Variants in TRIM71 observed in about 807,000 individuals in gnomAD.
The protein encoded by TRIM71 is E3 ubiquitin-protein ligase TRIM71.
Under a neutral mutation model 61.2 loss-of-function variants are expected in TRIM71, and 9 were observed. That is an observed-to-expected ratio of 0.15 (90% CI 0.09 to 0.26). TRIM71 has a LOEUF of 0.26. Among genes scored for constraint, TRIM71 ranks in the 10% least tolerant of loss-of-function variants. TRIM71 has a pLI of 1.00. For missense variants in TRIM71, 998 were observed against 1,238.7 expected, an observed-to-expected ratio of 0.81 and a Z score of 2.92; for synonymous variants, 645 against 553.2, an observed-to-expected ratio of 1.17 and a Z score of -2.33.
chr3:32,849,731 A>G (rs183463961), intron 1 of TRIM71, among the ~76,000 whole-genome samples: 1 of 151,874 alleles, frequency 6.6e-6, no homozygotes, highest in East Asian at 1.9e-4. Context: ...TTCCCCTTCC[A>G]CTTTTTTTGT....
At chr3:32,819,582 C>T (rs1696104971) in intron 1 of TRIM71, among the ~76,000 whole-genome samples, 1 of 152,302 alleles carries the variant, frequency 6.6e-6, no homozygotes, top group African/African-American at 2.4e-5. Flanking sequence ...CAGTCTTAAG[C>T]CCTTCTCTCT....
chr3:32,846,009 T>C (rs916488810), intron 1 of TRIM71, among the ~76,000 whole-genome samples: 3 of 151,324 alleles, frequency 2.0e-5, no homozygotes, highest in Non-Finnish European at 4.4e-5. Context: ...TTGGAGACTA[T>C]GGCTCACTAG....
intron 1 of TRIM71, among the ~76,000 whole-genome samples, chr3:32,825,678 G>T (rs780832741): frequency 6.6e-6 from 1 of 152,102 alleles, no homozygotes; most frequent in Non-Finnish European, 1.5e-5. Context: ...TGCTATCTCT[G>T]ACATTTTGGA....
chr3:32,874,679 C>T (rs1013744099), intron 2 of TRIM71, among the ~76,000 whole-genome samples: 8 of 151,240 alleles, frequency 5.3e-5, no homozygotes, highest in African/African-American at 9.7e-5. Flanking sequence ...CCCACCACCA[C>T]GCCCGGCTAA....
intron 1 of TRIM71, among the ~76,000 whole-genome samples, chr3:32,847,127 C>T (rs978838743): frequency 1.3e-5 from 2 of 151,328 alleles, no homozygotes; most frequent in East Asian, 1.9e-4. Flanking sequence ...CAGGTTCAAG[C>T]GATTCTCCTG....
intron 1 of TRIM71, among the ~76,000 whole-genome samples, chr3:32,819,620 A>G (rs569675009): frequency 7.2e-5 from 11 of 152,254 alleles, no homozygotes; most frequent in Admixed American, 6.5e-4. Context: ...ATTGTTTAAA[A>G]TGCGTGTTCT....
chr3:32,818,332 A>G lies in TRIM71; in HGVS notation c.252A>G (p.Gly84=), dbSNP rs746221245. ...CGGCGGCGGGCGGCGGCGCGGCGGG[A>G]GAGCCGCTCAAGCTGCGCTGCCCCG... The part of the protein sequence containing the change: ...RLPAAGGGAA[G]EPLKLRCPVC... The change falls in exon 1 of 4, where the codon GGA becomes GGG. Residue 84 remains glycine (G), a synonymous_variant. Coordinates refer to ENST00000383763, the MANE Select transcript of TRIM71 (RefSeq NM_001039111.3). 10 of 1,443,612 alleles carry G rather than the reference A, an allele frequency of 6.9e-6. No individual in the cohort carries two copies. In the South Asian group the frequency reaches 1.3e-4, roughly 19 times the overall value. 89.4% of individuals were successfully genotyped at this position (1,443,612 alleles called of 1,614,324 possible).
intron 1 of TRIM71, among the ~76,000 whole-genome samples, chr3:32,868,505 A>G (rs758813226): frequency 2.6e-5 from 4 of 152,232 alleles, no homozygotes; most frequent in South Asian, 2.1e-4. Flanking sequence ...ACATTCATAT[A>G]GCAACATACC....
chr3:32,853,818 C>A (rs191955648), intron 1 of TRIM71, among the ~76,000 whole-genome samples: 1 of 152,246 alleles, frequency 6.6e-6, no homozygotes, highest in Admixed American at 6.5e-5. Context: ...AGCAGTCTGA[C>A]CAACAGAGTG....
At chr3:32,823,898 C>G (rs1237863484) in intron 1 of TRIM71, among the ~76,000 whole-genome samples, 1 of 151,992 alleles carries the variant, frequency 6.6e-6, no homozygotes, top group Non-Finnish European at 1.5e-5. Context: ...ATGGTGAAAC[C>G]CTGTCTCTAC....
intron 2 of TRIM71, among the ~76,000 whole-genome samples, chr3:32,877,948 T>G (rs1696867836): frequency 1.3e-5 from 2 of 152,172 alleles, no homozygotes; most frequent in South Asian, 4.1e-4. Context: ...TTTTATAGTA[T>G]CTCCAGTTTT....
chr3:32,822,515 C>A (rs188870381), intron 1 of TRIM71, among the ~76,000 whole-genome samples: 1 of 152,252 alleles, frequency 6.6e-6, no homozygotes, highest in East Asian at 1.9e-4. Context: ...TAATCGGTTG[C>A]TGTGTGAATT....
At chr3:32,838,987 G>T (rs1696372468) in intron 1 of TRIM71, among the ~76,000 whole-genome samples, 18 of 151,102 alleles carry the variant, frequency 1.2e-4, no homozygotes, top group Admixed American at 1.2e-3. Flanking sequence ...TTTTAATAGA[G>T]TCGGGGTTTC....
chr3:32,845,663 A>C (rs1878887), intron 1 of TRIM71, among the ~76,000 whole-genome samples: 1 of 151,812 alleles, frequency 6.6e-6, no homozygotes, highest in Non-Finnish European at 1.5e-5. Flanking sequence ...GGGCCTTGGG[A>C]TCTTTCATGA....
In TRIM71 at chr3:32,891,495, C is replaced by G; in HGVS notation, c.2291C>G (p.Thr764Ser). The G allele has an allele frequency of 6.2e-7, 1 of 1,613,598 alleles. No individual in the cohort carries two copies. Among genetic ancestry groups the G allele is most frequent in the Non-Finnish European group, 8.5e-7 (1 of 1,179,778 alleles). Residue 764 changes from threonine to serine, a missense_variant, in exon 4 of 4, where the codon ACT (threonine) becomes AGT (serine). By Grantham distance (58) the Thr-to-Ser change is moderately conservative. This residue lies in a region of TRIM71 where 95 missense variants were observed against 159.0 expected (regional missense o/e 0.60). Coordinates refer to ENST00000383763, the MANE Select transcript of TRIM71 (RefSeq NM_001039111.3). The surrounding 1 kb of genome is among the most constrained non-coding windows in gnomAD (Gnocchi z 8.2). Reference sequence around the variant, plus strand: ...AACCATGAGGGCCACTTGGTGGTCACTGACTTCAACAACCACCGGCTCCTG... The same window carrying G: ...AACCATGAGGGCCACTTGGTGGTCAGTGACTTCAACAACCACCGGCTCCTG... ...AFNHEGHLVV[T>S]DFNNHRLLVI...
intron 1 of TRIM71, among the ~76,000 whole-genome samples, chr3:32,852,477 C>G (rs1696549164): frequency 6.6e-6 from 1 of 152,106 alleles, no homozygotes; most frequent in Non-Finnish European, 1.5e-5. Flanking sequence ...GGACCCAAAG[C>G]AAGACAAGAG....
At position 32,892,076 on chromosome 3, in the gene TRIM71, C is replaced by A; in HGVS notation, c.*265C>A. The A allele has an allele frequency of 2.5e-6, 1 of 401,676 alleles. No individual in the cohort carries two copies. Among genetic ancestry groups the A allele is most frequent in the Non-Finnish European group, 4.3e-6 (1 of 230,924 alleles). 24.9% of individuals were successfully genotyped at this position (401,676 alleles called of 1,614,324 possible). A position where few individuals can be genotyped will look rare whatever the true frequency, so the allele number is the denominator to read the frequency against. On this transcript the variant is annotated 3_prime_UTR_variant, in exon 4 of 4. Transcript: ENST00000383763. Reference sequence around the variant, plus strand: ...GATAATTTCTATCTACCTCATAAATCTTTACATTTCCTTCTGCAACAGGCC... The same window carrying A: ...GATAATTTCTATCTACCTCATAAATATTTACATTTCCTTCTGCAACAGGCC...
At chr3:32,830,278 A>G (rs1696254672) in intron 1 of TRIM71, among the ~76,000 whole-genome samples, 1 of 152,132 alleles carries the variant, frequency 6.6e-6, no homozygotes, top group South Asian at 2.1e-4. Context: ...TTTCTAAGTC[A>G]TTAAGGAGAA....
chr3:32,843,550 C>CATCA (rs1696435471), intron 1 of TRIM71, among the ~76,000 whole-genome samples: 1 of 152,196 alleles, frequency 6.6e-6, no homozygotes, highest in Non-Finnish European at 1.5e-5. Context: ...TCTGGGCAGG[C>CATCA]ATCACCTCTC....
Sources: gnomAD v4.1 joint callset for allele counts (sites outside exome capture counted in the v4.1 genomes callset) on GRCh38, gnomAD v4.1.1 for gene constraint, gnomAD v4.1.1 regional missense constraint, Gnocchi (gnomAD v3.1) non-coding constraint, MANE v1.5 for transcripts, NCBI Gene and HGNC (gene_info 2026-07-23, HGNC 2026-07-21) for gene names.